HEMK2: variants seen among roughly 807,000 people sequenced by gnomAD.
HEMK2 encodes the protein methyltransferase HEMK2.
chr21:28,654,642 T>C, the HEMK2 span, among the ~76,000 whole-genome samples: 1 of 152,096 alleles, frequency 6.6e-6, no homozygotes, highest in Non-Finnish European at 1.5e-5. Context: ...AACGTCTCAT[T>C]TTCAGTGCTG....
chr21:28,864,900 T>TAG, the HEMK2 span, among the ~76,000 whole-genome samples: 164 of 86,092 alleles, frequency 1.9e-3, no homozygotes, highest in African/African-American at 6.5e-3. Flanking sequence ...GATAGATAGA[T>TAG]ATAGATAGAT....
the HEMK2 span, among the ~76,000 whole-genome samples, chr21:28,748,582 T>C: frequency 6.6e-6 from 1 of 152,164 alleles, no homozygotes; most frequent in African/African-American, 2.4e-5. Flanking sequence ...ATTGCTGTGA[T>C]ATCTGGGTTT....
the HEMK2 span, among the ~76,000 whole-genome samples, chr21:28,865,835 T>A: frequency 8.3e-4 from 127 of 152,222 alleles, no homozygotes; most frequent in Non-Finnish European, 1.3e-3. Flanking sequence ...TCCAAAACTC[T>A]CTGTGCGTTC....
chr21:28,673,030 AAGG>A, the HEMK2 span, among the ~76,000 whole-genome samples: 1 of 151,194 alleles, frequency 6.6e-6, no homozygotes, highest in South Asian at 2.1e-4. Flanking sequence ...AAGAAAGAGA[AAGG>A]AGAGAGGGAG....
At chr21:28,602,785 C>T in the HEMK2 span, among the ~76,000 whole-genome samples, 1 of 152,224 alleles carries the variant, frequency 6.6e-6, no homozygotes, top group Non-Finnish European at 1.5e-5. Flanking sequence ...GCTTATCTCA[C>T]TAACCCTCCA....
the HEMK2 span, among the ~76,000 whole-genome samples, chr21:28,607,452 T>G: frequency 8.9e-4 from 135 of 152,132 alleles, no homozygotes; most frequent in Middle Eastern, 3.4e-3. Context: ...AATAAATAAA[T>G]AAATAAAATG....
chr21:28,831,470 A>AGAACGAAAGAAAGAAC, the HEMK2 span, among the ~76,000 whole-genome samples: 4 of 37,526 alleles, frequency 1.1e-4, no homozygotes, highest in East Asian at 2.5e-3. Flanking sequence ...AACGAAAGAA[A>AGAACGAAAGAAAGAAC]GAAAGAAAGA....
At chr21:28,618,632 A>T in the HEMK2 span, among the ~76,000 whole-genome samples, 1 of 152,228 alleles carries the variant, frequency 6.6e-6, no homozygotes, top group Non-Finnish European at 1.5e-5. Flanking sequence ...ATGTAAATTG[A>T]TATCGTTGAA....
the HEMK2 span, among the ~76,000 whole-genome samples, chr21:28,661,963 T>C: frequency 1.3e-5 from 2 of 152,186 alleles, no homozygotes; most frequent in Admixed American, 6.6e-5. Context: ...AAGAAGTTAT[T>C]TGAACAGAGA....
chr21:28,820,618 A>G, the HEMK2 span, among the ~76,000 whole-genome samples: 2 of 152,196 alleles, frequency 1.3e-5, no homozygotes, highest in Admixed American at 1.3e-4. Flanking sequence ...ATATTGGACA[A>G]TCACTCTGAG....
chr21:28,882,210 C>G, the HEMK2 span: 19 of 1,606,242 alleles, frequency 1.2e-5, no homozygotes, highest in African/African-American at 6.7e-5. Flanking sequence ...CGTGCTGTCT[C>G]TAGGGTACAA....
chr21:28,774,927 T>A, the HEMK2 span, among the ~76,000 whole-genome samples: 1 of 152,196 alleles, frequency 6.6e-6, no homozygotes, highest in Non-Finnish European at 1.5e-5. Flanking sequence ...CATCTTGTTT[T>A]TAATAATTTC....
chr21:28,882,040 C>T, the HEMK2 span: 14 of 612,274 alleles, frequency 2.3e-5, no homozygotes, highest in African/African-American at 1.4e-4. Context: ...AAAGAATTTA[C>T]TTTGTACATG....
the HEMK2 span, among the ~76,000 whole-genome samples, chr21:28,647,207 C>T: frequency 6.9e-6 from 1 of 144,580 alleles, no homozygotes; most frequent in African/African-American, 2.6e-5. Flanking sequence ...CACTGGGGGC[C>T]GGGCGCAGTG....
the HEMK2 span, among the ~76,000 whole-genome samples, chr21:28,707,008 A>G: frequency 6.6e-6 from 1 of 152,190 alleles, no homozygotes; most frequent in Admixed American, 6.5e-5. Context: ...TGGATTCTCT[A>G]AAGTCTAGCA....
At chr21:28,830,515 G>A in the HEMK2 span, among the ~76,000 whole-genome samples, 14 of 152,234 alleles carry the variant, frequency 9.2e-5, no homozygotes, top group East Asian at 2.7e-3. Context: ...TCCAGGTCAG[G>A]TAGTTCTTTA....
the HEMK2 span, among the ~76,000 whole-genome samples, chr21:28,761,529 C>T: frequency 6.6e-6 from 1 of 151,622 alleles, no homozygotes; most frequent in African/African-American, 2.4e-5. Context: ...CCTTGGTTAC[C>T]TGTGTCACAT....
At chr21:28,863,758 C>T in the HEMK2 span, among the ~76,000 whole-genome samples, 15,794 of 151,926 alleles carry the variant, frequency 0.1, 1,171 homozygotes, top group African/African-American at 0.21. Flanking sequence ...TTATCAGGAC[C>T]GTAGAAACTG....
the HEMK2 span, chr21:28,885,158 ACTT>A: frequency 2.0e-6 from 3 of 1,485,098 alleles, no homozygotes; most frequent in Non-Finnish European, 2.7e-6. Context: ...CCTCCACCGC[ACTT>A]CTTCAGAAAG....
Sources: gnomAD v4.1 joint callset for allele counts (sites outside exome capture counted in the v4.1 genomes callset) on GRCh38, gnomAD v4.1.1 for gene constraint, MANE v1.5 for transcripts, NCBI Gene and HGNC (gene_info 2026-07-23, HGNC 2026-07-21) for gene names.